TCERG1L: variants seen among roughly 807,000 people sequenced by gnomAD.
The protein encoded by TCERG1L is transcription elongation regulator 1 like, also known as transcription elongation regulator 1-like protein.
TCERG1L carries 37 observed loss-of-function variants against 56.3 expected under a neutral mutation model. That is an observed-to-expected ratio of 0.66 (90% CI 0.51 to 0.87). The LOEUF (loss-of-function observed/expected upper bound fraction) is 0.87, where lower values mean the gene tolerates loss of function less well. Among genes scored for constraint, TCERG1L ranks in the 40% least tolerant of loss-of-function variants. The pLI, the probability that TCERG1L is intolerant of heterozygous loss-of-function variation, is 0.00. For synonymous variants in TCERG1L, 324 were observed against 326.3 expected (o/e 0.99, Z 0.08); for missense variants, 799 against 774.2 (o/e 1.03, Z -0.38).
At position 131,093,185 on chromosome 10, in the gene TCERG1L, G is replaced by A. The variant is rs766613035; in HGVS notation, c.1738C>T (p.Leu580=). ...ILKKRDKENR[L]RLRKMR ...ACTCATCTCATTTTCCGCAGCCTTAGTCTGTTTTCCTTGTCCCGTTTCTTA... is the reference window on the plus strand; with the variant it reads ...ACTCATCTCATTTTCCGCAGCCTTAATCTGTTTTCCTTGTCCCGTTTCTTA... The change falls in exon 12 of 12, where the codon CTA becomes TTA. Residue 580 remains leucine, a synonymous_variant. Coordinates refer to ENST00000368642, the MANE Select transcript of TCERG1L (RefSeq NM_174937.4). 5 of 1,613,656 alleles carry A rather than the reference G, an allele frequency of 3.1e-6. No individual in the cohort carries two copies. In the African/African-American group the frequency reaches 5.3e-5, roughly 17 times the overall value.
Position 131,168,859 on chromosome 10 carries a change from C to T in TCERG1L, c.857-1974G>A, listed in dbSNP as rs1470889549. On this transcript the variant is annotated intron_variant, in intron 4 of 11. Coordinates refer to ENST00000368642, the MANE Select transcript of TCERG1L (RefSeq NM_174937.4). ...TCCTTCACAAGAGGCCTGCCAAGGC[C>T]GACCACAGGGCTCCCATACAGCCAT... 5.3e-5 allele frequency among the ~76,000 whole-genome samples: 8 copies of T among 152,286 alleles called. No homozygotes were observed. The East Asian group carries it at 1.2e-3, about 22-fold the overall frequency.
Position 131,199,850 on chromosome 10 carries a change from T to C in TCERG1L, c.857-32965A>G, listed in dbSNP as rs926247646. On this transcript the variant is annotated intron_variant, in intron 4 of 11. Coordinates refer to ENST00000368642, the MANE Select transcript of TCERG1L (RefSeq NM_174937.4). ...TGTAGCAGCCACCCCTCGTTCTCTT[T>C]CGCCTTTAAACACCTACTCGGAGCA... Among the ~76,000 whole-genome samples, 4 of 152,300 alleles carry C rather than the reference T, an allele frequency of 2.6e-5. No homozygotes were observed. In the East Asian group the frequency reaches 5.8e-4, roughly 22 times the overall value.
intron 4 of TCERG1L, among the ~76,000 whole-genome samples, chr10:131,257,034 AAAG>A (rs1245209666): frequency 2.8e-4 from 41 of 146,792 alleles, no homozygotes; most frequent in African/African-American, 9.0e-4. Flanking sequence ...AGAAAGAAAG[AAAG>A]AAAGAAAGAA....
chr10:131,290,783 C>CAA (rs1846608012), intron 3 of TCERG1L, among the ~76,000 whole-genome samples: 2 of 59,244 alleles, frequency 3.4e-5, no homozygotes, highest in Non-Finnish European at 4.6e-5. Context: ...TAAACACTTA[C>CAA]CACATTGGAG....
At chr10:131,212,180 C>T (rs1035119800) in intron 4 of TCERG1L, among the ~76,000 whole-genome samples, 9 of 152,204 alleles carry the variant, frequency 5.9e-5, no homozygotes, top group Non-Finnish European at 8.8e-5. Flanking sequence ...TTCATTCACA[C>T]GCTGTACCCA....
intron 10 of TCERG1L, among the ~76,000 whole-genome samples, chr10:131,100,826 T>C (rs910611786): frequency 6.6e-5 from 10 of 152,232 alleles, no homozygotes; most frequent in African/African-American, 2.4e-4. Context: ...CTGTGGTCTT[T>C]GGATGGGGTC....
chr10:131,278,289 GC>G (rs1011117842), intron 3 of TCERG1L, among the ~76,000 whole-genome samples: 3 of 151,328 alleles, frequency 2.0e-5, no homozygotes, highest in Non-Finnish European at 2.9e-5. Flanking sequence ...ATGAGACGAG[GC>G]CCCCCCTCCT....
intron 5 of TCERG1L, 121 bp from the exon 6 acceptor site, chr10:131,163,331 A>ATC: frequency 1.3e-6 from 1 of 756,340 alleles, no homozygotes; most frequent in Non-Finnish European, 2.0e-6. Context: ...TAGCCACGAG[A>ATC]TAATGACCTC....
At chr10:131,266,434 T>C (rs976484312) in intron 3 of TCERG1L, among the ~76,000 whole-genome samples, 3 of 152,184 alleles carry the variant, frequency 2.0e-5, no homozygotes, top group Non-Finnish European at 1.5e-5. Context: ...CTCATCCCCA[T>C]GTGACCAGGT....
chr10:131,143,047 C>G (rs1427461296), intron 7 of TCERG1L, among the ~76,000 whole-genome samples: 1 of 152,140 alleles, frequency 6.6e-6, no homozygotes, highest in African/African-American at 2.4e-5. Context: ...TCCCCTGGAT[C>G]CCCTAGGAAG....
intron 4 of TCERG1L, among the ~76,000 whole-genome samples, chr10:131,204,817 G>A (rs1845498630): frequency 6.6e-6 from 1 of 152,216 alleles, no homozygotes; most frequent in African/African-American, 2.4e-5. Context: ...TGGCTGGAGA[G>A]AAGAGCCCAC....
At chr10:131,146,430 C>T (rs544461017) in intron 7 of TCERG1L, 76 bp downstream of exon 7, 50 of 1,381,694 alleles carry the variant, frequency 3.6e-5, no homozygotes, top group Non-Finnish European at 4.7e-5. Context: ...AAGAAACATG[C>T]TTTCACTTTA....
chr10:131,108,110 G>A (rs1215506244), intron 9 of TCERG1L, among the ~76,000 whole-genome samples: 7 of 152,150 alleles, frequency 4.6e-5, no homozygotes, highest in Non-Finnish European at 1.0e-4. Context: ...TCGTGGGACT[G>A]TTCTCTAAGT....
At position 131,260,372 on chromosome 10, in the gene TCERG1L, A is replaced by C. The variant is rs149878172; in HGVS notation, c.743T>G (p.Met248Arg). 1.3e-4 allele frequency: 199 copies of C among 1,498,858 alleles called. No individual in the cohort carries two copies. In the African/African-American group the frequency reaches 2.5e-3, roughly 19 times the overall value. 92.8% of individuals were successfully genotyped at this position (1,498,858 alleles called of 1,614,324 possible). Reference protein sequence around the residue: ...IAIATAAAAAMVSVDPENLRG... With the variant: ...IAIATAAAAARVSVDPENLRG... Reference sequence around the variant, plus strand: ...GAGGTTCTCAGGGTCCACGGAGACCATGGCAGCGGCGGCGGCGGTGGCGAT... The same window carrying C: ...GAGGTTCTCAGGGTCCACGGAGACCCTGGCAGCGGCGGCGGCGGTGGCGAT... Residue 248 changes from methionine to arginine, a missense_variant, in exon 4 of 12, where the codon ATG becomes AGG. Physicochemically the swap from Met to Arg is moderately conservative, Grantham distance 91 (BLOSUM62 -1). Coordinates refer to ENST00000368642, the MANE Select transcript of TCERG1L (RefSeq NM_174937.4). The surrounding 1 kb of genome is among the most constrained non-coding windows in gnomAD (Gnocchi z 5.8).
chr10:131,293,536 C>T (rs768115874), intron 3 of TCERG1L, among the ~76,000 whole-genome samples: 2 of 152,016 alleles, frequency 1.3e-5, no homozygotes, highest in African/African-American at 2.4e-5. Context: ...GGGAAGATGT[C>T]AGCCCCAAGA....
chr10:131,184,743 G>A (rs888094502), intron 4 of TCERG1L, among the ~76,000 whole-genome samples: 1 of 152,208 alleles, frequency 6.6e-6, no homozygotes, highest in Non-Finnish European at 1.5e-5. Context: ...CAAGGAAATG[G>A]CAGCAACAGG....
At chr10:131,208,134 G>T (rs80083450) in intron 4 of TCERG1L, among the ~76,000 whole-genome samples, 2 of 152,168 alleles carry the variant, frequency 1.3e-5, no homozygotes, top group East Asian at 1.9e-4. Context: ...ACGGGACTAG[G>T]TGGAGTCAAT....
At chr10:131,188,254 T>G (rs973983706) in intron 4 of TCERG1L, among the ~76,000 whole-genome samples, 5 of 152,082 alleles carry the variant, frequency 3.3e-5, no homozygotes, top group Admixed American at 6.6e-5. Context: ...GGTTTATGAG[T>G]GGAAATAGTG....
rs76933676 is a variant in TCERG1L at position 131,233,365 on chromosome 10, C to T, written c.856+26894G>A. ...TCCTCTTTTTTGGTCCCTTTAATCA[C>T]AGCCATTATATTTTTACTAATCAGG... On this transcript the variant is annotated intron_variant, in intron 4 of 11. Coordinates refer to ENST00000368642, the MANE Select transcript of TCERG1L (RefSeq NM_174937.4). Among the ~76,000 whole-genome samples the T allele has an allele frequency of 3.8e-3, 580 of 152,186 alleles. 20 individuals carry two copies. In the East Asian group the frequency reaches 0.071, roughly 19 times the overall value.
Sources: gnomAD v4.1 joint callset for allele counts (sites outside exome capture counted in the v4.1 genomes callset) on GRCh38, gnomAD v4.1.1 for gene constraint, Gnocchi (gnomAD v3.1) non-coding constraint, MANE v1.5 for transcripts, NCBI Gene and HGNC (gene_info 2026-07-23, HGNC 2026-07-21) for gene names.